Variants in ZFHX3 observed in about 807,000 individuals in gnomAD.
ZFHX3 encodes zinc finger homeobox protein 3.
Under a neutral mutation model 279.1 loss-of-function variants are expected in ZFHX3, and 42 were observed. That is an observed-to-expected ratio of 0.15 (90% CI 0.12 to 0.19). The LOEUF is 0.19. Ranked by LOEUF, ZFHX3 falls within the 10% of genes least tolerant of loss-of-function variation. ZFHX3 has a pLI of 1.00. For missense variants in ZFHX3, 4,981 were observed against 4,754.0 expected (o/e 1.05, Z -1.40); for synonymous variants, 2,293 against 1,957.8 (o/e 1.17, Z -4.52).
intron 1 of ZFHX3, among the ~76,000 whole-genome samples, chr16:73,761,557 G>A (rs34322740): frequency 0.15 from 22,894 of 152,154 alleles, 2,121 homozygotes; most frequent in Middle Eastern, 0.22. Context: ...CAAAGCTGGA[G>A]GTGTCATGCT....
chr16:73,252,815 C>A (rs1237844052), intron 5 of ZFHX3, among the ~76,000 whole-genome samples: 1 of 152,156 alleles, frequency 6.6e-6, no homozygotes, highest in African/African-American at 2.4e-5. Context: ...GACCAACGGG[C>A]AGACTCCAGT....
At chr16:73,506,592 C>G (rs1030255019) in intron 2 of ZFHX3, among the ~76,000 whole-genome samples, 1 of 152,222 alleles carries the variant, frequency 6.6e-6, no homozygotes, top group Non-Finnish European at 1.5e-5. Flanking sequence ...CTGACACCCC[C>G]TGGCCAAGAA....
In ZFHX3 at chr16:72,796,742, C is replaced by T; in HGVS notation, c.5940G>A (p.Leu1980=). 1 of 1,613,750 alleles carries T rather than the reference C, an allele frequency of 6.2e-7. No homozygotes were observed. Among genetic ancestry groups the T allele is most frequent in the Admixed American group, 1.7e-5 (1 of 59,994 alleles). Residue 1980 remains leucine, a synonymous_variant, in exon 9 of 10, where the codon CTG becomes CTA. Transcript: ENST00000268489. The part of the protein sequence containing the change: ...KNGKTDQGEN[L]EKLECDSCGK... ...CGCAGGAGTCACACTCGAGCTTTTC[C>T]AGGTTCTCTCCCTGGTCAGTCTTCC...
intron 5 of ZFHX3, among the ~76,000 whole-genome samples, chr16:72,821,423 T>C (rs1390181382): frequency 1.3e-5 from 2 of 152,224 alleles, no homozygotes; most frequent in Admixed American, 1.3e-4. Flanking sequence ...TCAGTGCTGC[T>C]TTCCGTCTCC....
At chr16:73,891,810 T>C (rs1321523633) in exon 1 of ZFHX3, 4 of 149,998 alleles carry the variant, frequency 2.7e-5, no homozygotes, top group African/African-American at 7.4e-5. Context: ...ACTGGGTTTA[T>C]AAAAAAAATA....
intron 7 of ZFHX3, among the ~76,000 whole-genome samples, chr16:73,120,107 G>GT (rs1301951710): frequency 9.9e-5 from 15 of 151,626 alleles, no homozygotes; most frequent in Admixed American, 2.0e-4. Flanking sequence ...GTTGATGTTT[G>GT]TTTTTTTTGT....
At chr16:73,714,553 C>G (rs1029193138) in intron 1 of ZFHX3, among the ~76,000 whole-genome samples, 1 of 152,176 alleles carries the variant, frequency 6.6e-6, no homozygotes, top group Non-Finnish European at 1.5e-5. Flanking sequence ...ACCCCATCTC[C>G]CGATTCTCTT....
intron 1 of ZFHX3, among the ~76,000 whole-genome samples, chr16:73,755,295 A>AATATATATATATATAT (rs1232211566): frequency 6.6e-6 from 1 of 152,196 alleles, no homozygotes; most frequent in Non-Finnish European, 1.5e-5. Flanking sequence ...ATATAACGAC[A>AATATATATATATATAT]TATATAAACC....
At chr16:73,422,612 G>A (rs2017738568) in intron 3 of ZFHX3, among the ~76,000 whole-genome samples, 1 of 152,180 alleles carries the variant, frequency 6.6e-6, no homozygotes, top group East Asian at 1.9e-4. Flanking sequence ...TTAGCACCCA[G>A]ACTTAGGTCT....
chr16:73,543,806 C>T (rs1177319030), intron 2 of ZFHX3: 1 of 151,870 alleles, frequency 6.6e-6, no homozygotes, highest in Non-Finnish European at 1.5e-5. Context: ...TCTGCCCACC[C>T]CCACTTCCCA....
intron 6 of ZFHX3, among the ~76,000 whole-genome samples, chr16:73,133,516 CTGG>C (rs1452520960): frequency 6.6e-6 from 1 of 152,062 alleles, no homozygotes; most frequent in East Asian, 1.9e-4. Context: ...TCCAATAAGA[CTGG>C]TGTCCTTTTA....
chr16:73,037,556 T>A (rs1321871967), intron 1 of ZFHX3, among the ~76,000 whole-genome samples: 1 of 152,092 alleles, frequency 6.6e-6, no homozygotes, highest in Non-Finnish European at 1.5e-5. Context: ...GGCTTGGAGC[T>A]ATATTAAGGC....
chr16:73,234,846 G>GTGA (rs1278666279), intron 5 of ZFHX3, among the ~76,000 whole-genome samples: 2 of 152,194 alleles, frequency 1.3e-5, no homozygotes, highest in Admixed American at 6.5e-5. Context: ...AGCCTTTGAA[G>GTGA]TGATAGAAAT....
intron 3 of ZFHX3, among the ~76,000 whole-genome samples, chr16:73,413,262 G>A (rs1258751579): frequency 6.6e-6 from 1 of 152,220 alleles, no homozygotes; most frequent in Admixed American, 6.5e-5. Flanking sequence ...TCCAGACACA[G>A]AACAGAGCAA....
At chr16:73,314,750 T>C (rs571873297) in intron 4 of ZFHX3, among the ~76,000 whole-genome samples, 1 of 152,350 alleles carries the variant, frequency 6.6e-6, no homozygotes, top group South Asian at 2.1e-4. Flanking sequence ...ATTAGGACAT[T>C]TCTTAATATT....
intron 1 of ZFHX3, among the ~76,000 whole-genome samples, chr16:73,841,592 A>G (rs1410345007): frequency 6.6e-6 from 1 of 152,102 alleles, no homozygotes; most frequent in African/African-American, 2.4e-5. Flanking sequence ...CCATGGCCAC[A>G]AGAGGGTCCC....
At chr16:72,863,474 C>T (rs911299735) in intron 4 of ZFHX3, among the ~76,000 whole-genome samples, 37 of 151,358 alleles carry the variant, frequency 2.4e-4, no homozygotes, top group African/African-American at 7.5e-4. Flanking sequence ...GCTATGATCG[C>T]GCTACTGCAC....
chr16:73,617,896 G>A (rs1458864460), intron 2 of ZFHX3, among the ~76,000 whole-genome samples: 1 of 152,158 alleles, frequency 6.6e-6, no homozygotes, highest in Non-Finnish European at 1.5e-5. Context: ...CCCCTTGAGT[G>A]TCTTAAATAA....
chr16:73,699,904 T>G (rs765407786), intron 1 of ZFHX3, among the ~76,000 whole-genome samples: 9 of 152,204 alleles, frequency 5.9e-5, no homozygotes, highest in Non-Finnish European at 1.3e-4. Context: ...ACAAGGATAT[T>G]GTTACATGGC....
Sources: allele counts gnomAD v4.1 joint callset (sites outside exome capture counted in the v4.1 genomes callset), GRCh38; gene constraint gnomAD v4.1.1; transcripts MANE v1.5; gene names NCBI Gene and HGNC (gene_info 2026-07-23, HGNC 2026-07-21).